DGKB: variants seen among roughly 807,000 people sequenced by gnomAD.
The protein encoded by DGKB is 90 kDa diacylglycerol kinase.
DGKB carries 67 observed loss-of-function variants against 114.3 expected under a neutral mutation model. That is an observed-to-expected ratio of 0.59 (90% confidence interval 0.48 to 0.72). DGKB has a LOEUF of 0.72. Ranked by LOEUF, DGKB falls within the 30% of genes least tolerant of loss-of-function variation. DGKB has a pLI of 0.00. For synonymous variants in DGKB, 398 were observed against 323.1 expected, an observed-to-expected ratio of 1.23 and a Z score of -2.49; for missense variants, 907 against 975.2, an observed-to-expected ratio of 0.93 and a Z score of 0.93.
chr7:14,951,049 C>T (rs948225849), intron 1 of DGKB, among the ~76,000 whole-genome samples: 1 of 151,848 alleles, frequency 6.6e-6, no homozygotes, highest in Non-Finnish European at 1.5e-5. Flanking sequence ...ACTAATCATG[C>T]TTTCATGATT....
At chr7:14,802,101 G>T (rs1281569601) in intron 2 of DGKB, among the ~76,000 whole-genome samples, 3 of 151,974 alleles carry the variant, frequency 2.0e-5, no homozygotes, top group Non-Finnish European at 4.4e-5. Flanking sequence ...CCAAGTCTGG[G>T]AATTGTCCCA....
At chr7:14,846,796 C>T (rs1860581) in intron 1 of DGKB, among the ~76,000 whole-genome samples, 134,932 of 152,268 alleles carry the variant, frequency 0.89, 60,189 homozygotes, top group East Asian at 1. Context: ...CTTTGGGCCA[C>T]TGTACCTGGG....
At chr7:14,562,802 T>C (rs930152006) in intron 20 of DGKB, among the ~76,000 whole-genome samples, 7 of 152,150 alleles carry the variant, frequency 4.6e-5, no homozygotes, top group Admixed American at 3.9e-4. Context: ...TGTTTTAGAT[T>C]AGACTTTGGA....
intron 10 of DGKB, among the ~76,000 whole-genome samples, chr7:14,684,891 C>T (rs1398803181): frequency 1.3e-5 from 2 of 151,300 alleles, no homozygotes. Flanking sequence ...AAGTCACTAA[C>T]ATGTGGGGAG....
intron 18 of DGKB, among the ~76,000 whole-genome samples, chr7:14,582,315 T>C (rs1244538128): frequency 6.6e-6 from 1 of 152,164 alleles, no homozygotes; most frequent in African/African-American, 2.4e-5. Flanking sequence ...AAGCAAATAA[T>C]TTTCCTGAAT....
At chr7:14,645,443 G>A (rs1391380007) in intron 13 of DGKB, among the ~76,000 whole-genome samples, 1 of 151,848 alleles carries the variant, frequency 6.6e-6, no homozygotes, top group African/African-American at 2.4e-5. Context: ...AACCCACTGG[G>A]TGCCACCTTC....
chr7:14,548,520 GAGGA>G (rs1794645779), intron 20 of DGKB, among the ~76,000 whole-genome samples: 1 of 152,158 alleles, frequency 6.6e-6, no homozygotes, highest in South Asian at 2.1e-4. Flanking sequence ...GAGGAAATTG[GAGGA>G]AGGAGATGGG....
chr7:14,204,387 G>A (rs1309499494), intron 23 of DGKB, among the ~76,000 whole-genome samples: 4 of 151,942 alleles, frequency 2.6e-5, no homozygotes, highest in Non-Finnish European at 4.4e-5. Flanking sequence ...AGTTCTACAA[G>A]TAGCTTGGTG....
At chr7:14,724,492 TCAGA>T (rs1829725471) in intron 5 of DGKB, among the ~76,000 whole-genome samples, 1 of 152,158 alleles carries the variant, frequency 6.6e-6, no homozygotes, top group Non-Finnish European at 1.5e-5. Flanking sequence ...GAAACTGGGA[TCAGA>T]CAAACCTCTC....
At chr7:14,506,143 C>G (rs1787014113) in intron 20 of DGKB, among the ~76,000 whole-genome samples, 1 of 152,112 alleles carries the variant, frequency 6.6e-6, no homozygotes, top group Non-Finnish European at 1.5e-5. Context: ...GACACGATGA[C>G]TAACCACTCT....
chr7:14,655,795 C>G (rs1815661033), intron 13 of DGKB, among the ~76,000 whole-genome samples: 1 of 151,446 alleles, frequency 6.6e-6, no homozygotes, highest in Non-Finnish European at 1.5e-5. Flanking sequence ...AGATCAATAC[C>G]ACATTCTTAC....
chr7:14,771,439 T>C (rs1196576287), intron 2 of DGKB, among the ~76,000 whole-genome samples: 1 of 152,070 alleles, frequency 6.6e-6, no homozygotes, highest in Non-Finnish European at 1.5e-5. Flanking sequence ...TATTACCCAA[T>C]GCTGGTGATG....
intron 13 of DGKB, among the ~76,000 whole-genome samples, chr7:14,647,301 G>C (rs1237574931): frequency 6.6e-6 from 1 of 151,936 alleles, no homozygotes; most frequent in African/African-American, 2.4e-5. Context: ...CAAGTAACAA[G>C]ACTGAATCAG....
At chr7:14,829,401 C>A (rs181954656) in intron 2 of DGKB, among the ~76,000 whole-genome samples, 1 of 152,190 alleles carries the variant, frequency 6.6e-6, no homozygotes, top group African/African-American at 2.4e-5. Context: ...GAAAAGAAGT[C>A]ACACACAAAG....
chr7:14,807,606 GT>G (rs1842929760), intron 2 of DGKB, among the ~76,000 whole-genome samples: 1 of 151,956 alleles, frequency 6.6e-6, no homozygotes, highest in African/African-American at 2.4e-5. Context: ...TGTTTCACAA[GT>G]GATATAAAAC....
chr7:14,442,274 G>A (rs1379251891), intron 21 of DGKB, among the ~76,000 whole-genome samples: 1 of 151,680 alleles, frequency 6.6e-6, no homozygotes, highest in Non-Finnish European at 1.5e-5. Flanking sequence ...TTCTCTATTT[G>A]TTCTAGTTTT....
At chr7:14,436,988 A>G (rs1320232947) in intron 21 of DGKB, among the ~76,000 whole-genome samples, 2 of 152,030 alleles carry the variant, frequency 1.3e-5, no homozygotes, top group African/African-American at 4.8e-5. Context: ...ACCTTTCTTA[A>G]TGAACATAAC....
chr7:14,482,835 T>G, intron 20 of DGKB, among the ~76,000 whole-genome samples: 1 of 152,258 alleles, frequency 6.6e-6, no homozygotes, highest in East Asian at 1.9e-4. Flanking sequence ...TAAAGAAAAT[T>G]ACAATAATAG....
chr7:14,857,705 G>A (rs1990381), intron 1 of DGKB, among the ~76,000 whole-genome samples: 18,106 of 151,684 alleles, frequency 0.12, 2,110 homozygotes, highest in African/African-American at 0.29. Flanking sequence ...TTTCTATTGG[G>A]ATGCTTTCCT....
Sources: gnomAD v4.1 joint callset for allele counts (sites outside exome capture counted in the v4.1 genomes callset) on GRCh38, gnomAD v4.1.1 for gene constraint, MANE v1.5 for transcripts, NCBI Gene and HGNC (gene_info 2026-07-23, HGNC 2026-07-21) for gene names.